The following USP15 variants were observed in gnomAD, a reference collection of about 807,000 sequenced individuals.
USP15 encodes the protein ubiquitin specific peptidase 15, also known as ubiquitin carboxyl-terminal hydrolase 15.
Under a neutral mutation model 127.1 loss-of-function variants are expected in USP15, and 18 were observed. The ratio of observed to expected loss-of-function variants is 0.14; its 90% CI spans 0.10 to 0.21. USP15 has a LOEUF of 0.21. Ranked by LOEUF, USP15 falls within the 10% of genes least tolerant of loss-of-function variation. The pLI is 1.00. For missense variants in USP15, 805 were observed against 1,159.9 expected (o/e 0.69, Z 4.44); for synonymous variants, 364 against 393.7 (o/e 0.92, Z 0.89).
chr12:62,285,395 C>T (rs1483448021), intron 1 of USP15, among the ~76,000 whole-genome samples: 1 of 152,168 alleles, frequency 6.6e-6, no homozygotes, highest in Non-Finnish European at 1.5e-5. Flanking sequence ...CCTCCAGTTC[C>T]ATCCATGTTG....
chr12:62,332,919 T>C (rs950826926), intron 6 of USP15, among the ~76,000 whole-genome samples: 1 of 152,232 alleles, frequency 6.6e-6, no homozygotes, highest in African/African-American at 2.4e-5. Context: ...GGAAGAACTT[T>C]ATAAATAAAA....
At chr12:62,388,373 T>C (rs1006866639) in intron 11 of USP15, among the ~76,000 whole-genome samples, 7 of 152,206 alleles carry the variant, frequency 4.6e-5, no homozygotes, top group African/African-American at 1.4e-4. Flanking sequence ...GCTTAAGCGA[T>C]TCACCTGCCT....
intron 15 of USP15, 82 bp downstream of exon 15, chr12:62,391,061 G>A: frequency 2.0e-6 from 3 of 1,510,654 alleles, no homozygotes; most frequent in Non-Finnish European, 2.7e-6. Flanking sequence ...GGGAATTAAA[G>A]AACTAAAAAA....
At chr12:62,284,535 C>T (rs1321306895) in intron 1 of USP15, among the ~76,000 whole-genome samples, 3 of 152,120 alleles carry the variant, frequency 2.0e-5, no homozygotes, top group Non-Finnish European at 2.9e-5. Context: ...TAGCTATTTT[C>T]GGACGTAACT....
chr12:62,272,240 G>A (rs1199360681), intron 1 of USP15, among the ~76,000 whole-genome samples: 1 of 152,014 alleles, frequency 6.6e-6, no homozygotes, highest in African/African-American at 2.4e-5. Flanking sequence ...TTCTGCACAA[G>A]ATGATTATAA....
chr12:62,340,731 G>A (rs1033876942), intron 6 of USP15, among the ~76,000 whole-genome samples: 1 of 152,184 alleles, frequency 6.6e-6, no homozygotes, highest in Non-Finnish European at 1.5e-5. Context: ...TGATTGCACT[G>A]TGGTCTGAGA....
intron 9 of USP15, among the ~76,000 whole-genome samples, chr12:62,383,228 C>A (rs1264934619): frequency 6.6e-6 from 1 of 151,850 alleles, no homozygotes; most frequent in Non-Finnish European, 1.5e-5. Flanking sequence ...CCTAGGGAAA[C>A]TATAGGGTTT....
intron 8 of USP15, among the ~76,000 whole-genome samples, chr12:62,378,078 G>T (rs981435413): frequency 6.6e-6 from 1 of 151,912 alleles, no homozygotes; most frequent in Non-Finnish European, 1.5e-5. Context: ...GCGGTGGTGG[G>T]CGCCTATAAT....
chr12:62,270,862 T>C (rs1419961742), intron 1 of USP15, among the ~76,000 whole-genome samples: 1 of 152,098 alleles, frequency 6.6e-6, no homozygotes, highest in East Asian at 1.9e-4. Flanking sequence ...TAAATATGTG[T>C]ATTTCATTAC....
chr12:62,288,105 TG>T (rs952668360), intron 1 of USP15, among the ~76,000 whole-genome samples: 5 of 152,174 alleles, frequency 3.3e-5, no homozygotes, highest in African/African-American at 1.2e-4. Flanking sequence ...GTTTTAGAAT[TG>T]TTTTTTCTAA....
intron 6 of USP15, chr12:62,335,528 T>C (rs2065435135): frequency 2.7e-6 from 3 of 1,118,278 alleles, no homozygotes; most frequent in Non-Finnish European, 3.3e-6. Flanking sequence ...TGCTTTTTCT[T>C]TTATTATCTC....
intron 18 of USP15, 78 bp from the exon 19 acceptor site, chr12:62,392,975 A>G (rs2067371338): frequency 1.3e-6 from 2 of 1,526,040 alleles, no homozygotes; most frequent in Non-Finnish European, 1.8e-6. Flanking sequence ...AACTTTCCAA[A>G]CATTTTTGTT....
chr12:62,391,185 T>C lies in USP15; in HGVS notation c.1989T>C (p.Asp663=), dbSNP rs1157934594. The change falls in exon 16 of 22, where the codon GAT becomes GAC. Residue 663 remains aspartate, a synonymous_variant. Coordinates refer to ENST00000280377, the MANE Select transcript of USP15 (RefSeq NM_001252078.2). ...PSEMETDEPD[D]ESSQDQELPS... is the part of the protein sequence containing the mutation. ...AAATGGAAACAGATGAGCCAGATGA[T>C]GAATCCAGCCAGGATCAAGAACTTC... The C allele has an allele frequency of 2.5e-6, 4 of 1,613,018 alleles. No homozygotes were observed. The highest frequency in any genetic ancestry group is 2.5e-6 in the Non-Finnish European group (3 of 1,179,626).
intron 7 of USP15, among the ~76,000 whole-genome samples, chr12:62,349,972 T>A (rs2065919442): frequency 6.6e-6 from 1 of 152,056 alleles, no homozygotes; most frequent in Middle Eastern, 3.4e-3. Flanking sequence ...TATTTGTAAT[T>A]AGCCCAAATT....
rs1413233536 is a variant in USP15 at position 62,411,049 on chromosome 12, A to AT, written c.*6676dup. 6.6e-6 allele frequency: 1 copy of AT among 152,214 alleles called. No homozygotes were observed. The highest frequency in any genetic ancestry group is 1.5e-5 in the Non-Finnish European group (1 of 68,036). 9.4% of individuals were successfully genotyped at this position (152,214 alleles called of 1,614,324 possible). On this transcript the variant is annotated 3_prime_UTR_variant, in exon 22 of 22. Coordinates refer to ENST00000280377, the MANE Select transcript of USP15 (RefSeq NM_001252078.2). Reference sequence around the variant, plus strand: ...GAGGTTCTCAGCAAGCCACACCTGAATTCCTAACCCACAAAAACTGTGAGA... The same window carrying AT: ...GAGGTTCTCAGCAAGCCACACCTGAATTTCCTAACCCACAAAAACTGTGAGA...
intron 4 of USP15, among the ~76,000 whole-genome samples, chr12:62,316,214 G>A (rs985490742): frequency 1.3e-5 from 2 of 151,492 alleles, no homozygotes; most frequent in Non-Finnish European, 2.9e-5. Flanking sequence ...TGAACCGGGA[G>A]GTGGAGGTTG....
intron 5 of USP15, 69 bp downstream of exon 5, chr12:62,321,678 C>A: frequency 5.3e-6 from 7 of 1,313,832 alleles, no homozygotes; most frequent in Non-Finnish European, 7.1e-6. Context: ...TAATAATTAT[C>A]CTGGCAATAT....
At chr12:62,330,585 CAAAAAAAA>C (rs559515896) in intron 6 of USP15, among the ~76,000 whole-genome samples, 1 of 95,448 alleles carries the variant, frequency 1.0e-5, no homozygotes, top group Non-Finnish European at 2.2e-5. Context: ...GACTCCATCT[CAAAAAAAA>C]AAAAAAAAAT....
At chr12:62,345,063 C>T (rs1013671951) in intron 6 of USP15, among the ~76,000 whole-genome samples, 3 of 152,048 alleles carry the variant, frequency 2.0e-5, no homozygotes, top group Admixed American at 6.6e-5. Flanking sequence ...TTTGGCTGCT[C>T]GGTACTTTTG....
Sources: gnomAD v4.1 joint callset for allele counts (sites outside exome capture counted in the v4.1 genomes callset) on GRCh38, gnomAD v4.1.1 for gene constraint, MANE v1.5 for transcripts, NCBI Gene and HGNC (gene_info 2026-07-23, HGNC 2026-07-21) for gene names.